LGI4: variants seen among roughly 807,000 people sequenced by gnomAD.
The protein encoded by LGI4 is leucine-rich repeat LGI family member 4.
LGI4 carries 36 observed loss-of-function variants against 48.3 expected under a neutral mutation model. The observed-to-expected ratio is 0.75, with a 90% CI of 0.57 to 0.98. The LOEUF (loss-of-function observed/expected upper bound fraction) is 0.98. Among genes scored for constraint, LGI4 ranks in the 50% least tolerant of loss-of-function variants. The pLI is 0.00. For synonymous variants in LGI4, 355 were observed against 331.6 expected (o/e 1.07, Z -0.77); for missense variants, 701 against 732.1 (o/e 0.96, Z 0.49).
intron 6 of LGI4, among the ~76,000 whole-genome samples, chr19:35,127,347 A>AT (rs1180354454): frequency 1.3e-5 from 2 of 151,856 alleles, no homozygotes; most frequent in Admixed American, 6.6e-5. Context: ...ATGGCTGGCT[A>AT]TTTTTTTATT....
chr19:35,128,212 G>A (rs1159608334), intron 6 of LGI4, among the ~76,000 whole-genome samples: 5 of 152,194 alleles, frequency 3.3e-5, no homozygotes, highest in South Asian at 2.1e-4. Context: ...TTGTGACAGC[G>A]GCTTGGCTTT....
Position 35,131,478 on chromosome 19 carries a change from C to T in LGI4, c.536G>A (p.Ser179Asn). The stretch of plus-strand genomic sequence containing the variant: ...GCCCGCACAGGCGCCGGTCCCCACG[C>T]TGGCATTCACGGTGGGCATCCACTG... ...LLQWMPTVNASVGTGACAGPA... is the reference protein window; with the variant it reads ...LLQWMPTVNANVGTGACAGPA... Residue 179 changes from serine to asparagine, a missense_variant, in exon 6 of 9, where the codon AGC (serine) becomes AAC (asparagine). Physicochemically the swap from Ser to Asn is conservative, Grantham distance 46 (BLOSUM62 1). Transcript: ENST00000310123. The T allele has an allele frequency of 6.4e-7, 1 of 1,551,350 alleles. No homozygotes were observed. The highest frequency in any genetic ancestry group is 8.7e-7 in the Non-Finnish European group (1 of 1,147,004).
In LGI4 at chr19:35,131,492, G is replaced by A; in HGVS notation, c.522C>T (p.Pro174=). Residue 174 remains proline (P), a synonymous_variant, in exon 6 of 9, where the codon CCC becomes CCT. Transcript: ENST00000310123. The stretch of plus-strand genomic sequence containing the variant: ...CGGTCCCCACGCTGGCATTCACGGT[G>A]GGCATCCACTGCAGGAGCCAGAGGA... The part of the protein sequence containing the change: ...CRVLWLLQWM[P]TVNASVGTGA... The A allele has an allele frequency of 6.4e-7, 1 of 1,551,304 alleles. No homozygotes were observed. Among genetic ancestry groups the A allele is most frequent in the Non-Finnish European group, 8.7e-7 (1 of 1,146,960 alleles).
At chr19:35,131,285 A>C (rs1321892005) in intron 6 of LGI4, 101 bp downstream of exon 6, 7 of 1,435,904 alleles carry the variant, frequency 4.9e-6, no homozygotes, top group Non-Finnish European at 5.7e-6. Context: ...GGGTCTTCCC[A>C]CTCCGGGAAA....
chr19:35,125,813 C>T (rs2065130391), intron 8 of LGI4: 10 of 618,572 alleles, frequency 1.6e-5, no homozygotes, highest in Middle Eastern at 2.5e-4. Flanking sequence ...AGCCTCTTCC[C>T]TGGCCTCTAG....
chr19:35,125,453 C>T lies in LGI4; in HGVS notation c.1354G>A (p.Gly452Ser), dbSNP rs755198882. 7 of 1,598,248 alleles carry T rather than the reference C, an allele frequency of 4.4e-6. No individual in the cohort carries two copies. In the South Asian group the frequency reaches 6.7e-5, roughly 15 times the overall value. Residue 452 changes from glycine to serine, a missense_variant, in exon 9 of 9, where the codon GGT becomes AGT. By Grantham distance (56) the Gly-to-Ser change is moderately conservative. Around this residue, in one of 3 missense-constraint regions of LGI4, gnomAD observed 223 missense variants for 263.3 expected, o/e 0.85. Transcript: ENST00000310123. ...AGCAGTGGCTGGAAGACGTGGGCAC[C>T]GCGCGAGGGAAGTTGCTGCAGCAGA... ...FRLLQQLPSRGAHVFQPLLIA... is the reference protein window; with the variant it reads ...FRLLQQLPSRSAHVFQPLLIA...
At position 35,131,956 on chromosome 19, in the gene LGI4, G is replaced by C; in HGVS notation, c.386+15C>G. On this transcript the variant is annotated intron_variant, in intron 4 of 8. Transcript: ENST00000310123. ...GGTGCCTCTCATGGAGGGCTGGGGC[G>C]GTGGAGGCACGCACAGGTGTGTAAG... 2 of 1,584,140 alleles carry C rather than the reference G, an allele frequency of 1.3e-6. No homozygotes were observed. Among genetic ancestry groups the C allele is most frequent in the Non-Finnish European group, 1.7e-6 (2 of 1,164,644 alleles).
chr19:35,127,100 A>ATGGCCTCCATTTCAG, intron 6 of LGI4, 83 bp from the exon 7 acceptor site: 1 of 1,370,296 alleles, frequency 7.3e-7, no homozygotes, highest in Non-Finnish European at 9.8e-7. Flanking sequence ...ACATCTCTGA[A>ATGGCCTCCATTTCAG]ATGGAGGCCA....
chr19:35,132,553 A>T (rs1317167946), intron 3 of LGI4, among the ~76,000 whole-genome samples: 1 of 151,988 alleles, frequency 6.6e-6, no homozygotes, highest in Non-Finnish European at 1.5e-5. Context: ...ACCATCATCA[A>T]CCCCAAGACC....
chr19:35,132,114 C>T, intron 3 of LGI4, 72 bp from the exon 4 acceptor site: 1 of 1,267,254 alleles, frequency 7.9e-7, no homozygotes, highest in Non-Finnish European at 1.1e-6. Context: ...AAGACATAGG[C>T]CCACTGGAAG....
chr19:35,128,670 C>T (rs1364830022), intron 6 of LGI4, among the ~76,000 whole-genome samples: 1 of 152,194 alleles, frequency 6.6e-6, no homozygotes, highest in Non-Finnish European at 1.5e-5. Flanking sequence ...CGTGATTGTA[C>T]CACTGAACTC....
At chr19:35,128,012 G>A (rs1056662238) in intron 6 of LGI4, among the ~76,000 whole-genome samples, 3 of 152,226 alleles carry the variant, frequency 2.0e-5, no homozygotes, top group African/African-American at 7.2e-5. Flanking sequence ...AACAAGGGCA[G>A]ATGTGATGAG....
chr19:35,126,797 G>C (rs1192401143), intron 7 of LGI4, 22 bp from the exon 8 acceptor site: 1 of 1,577,908 alleles, frequency 6.3e-7, no homozygotes, highest in Admixed American at 1.8e-5. Context: ...TGGGGAGGCA[G>C]GTCAGGCCAG....
In LGI4 at chr19:35,125,394, G is replaced by A. The variant is rs568391550; in HGVS notation, c.1413C>T (p.Ser471=). ...IARDQLAILG[S]DFAFSQVLRL... ...GGAGGACCTGGCTGAAGGCGAAGTC[G>A]CTGCCTAGGATGGCCAGCTGGTCCC... The change falls in exon 9 of 9, where the codon AGC becomes AGT. Residue 471 remains serine (S), a synonymous_variant. Transcript: ENST00000310123. 70 of 1,612,106 alleles carry A rather than the reference G, an allele frequency of 4.3e-5. No individual in the cohort carries two copies. In the East Asian group the frequency reaches 8.7e-4, roughly 20 times the overall value.
rs756230674 is a variant in LGI4, at chr19:35,134,048, G to A, written c.227C>T (p.Pro76Leu). ...CCCCACTCACAGCAGGTGCAGAGAC[G>A]GAATTCTCAGGAAGCTGCCGGCCTT... ...QLKAGSFLRI[P>L]SLHLLLFTSN... Residue 76 changes from proline to leucine, a missense_variant, in exon 2 of 9, where the codon CCG (proline) becomes CTG (leucine). Transcript: ENST00000310123. The A allele has an allele frequency of 1.2e-5, 19 of 1,562,816 alleles. No individual in the cohort carries two copies. The highest frequency in any genetic ancestry group is 2.7e-5 in the African/African-American group (2 of 73,710).
At position 35,131,563 on chromosome 19, in the gene LGI4, A is replaced by G; in HGVS notation, c.459-8T>C. On this transcript the variant is annotated splice_region_variant and splice_polypyrimidine_tract_variant and intron_variant, in intron 5 of 8. Transcript: ENST00000310123. ...GGGTTCCCGCGGAGGTCCCTGGGGCAAGAGGCCAGGGAGGGGCTGCGACCC... is the reference window on the plus strand; with the variant it reads ...GGGTTCCCGCGGAGGTCCCTGGGGCGAGAGGCCAGGGAGGGGCTGCGACCC... 1.3e-6 allele frequency: 2 copies of G among 1,549,354 alleles called. No homozygotes were observed. Among genetic ancestry groups the G allele is most frequent in the South Asian group, 1.2e-5 (1 of 83,880 alleles).
At chr19:35,134,382 G>C (rs1346157637) in intron 1 of LGI4, 129 bp downstream of exon 1, 1 of 981,074 alleles carries the variant, frequency 1.0e-6, no homozygotes, top group South Asian at 1.6e-5. Context: ...ATCCCGACAG[G>C]CTTTGCTGCC....
rs376948182 is a variant in LGI4, at chr19:35,126,774, C to T, written c.795G>A (p.Ala265=). 301 of 1,553,862 alleles carry T rather than the reference C, an allele frequency of 1.9e-4. 1 individual carries two copies. In the African/African-American group the frequency reaches 3.3e-3, roughly 17 times the overall value. ...QRFRPEEELP[A]ASVVSCKPLV... ...GTGGCTTGCAGGACACCACGGAGGC[C>T]GCTGTGGGGAGGTGGGGAGGCAGGT... The change falls in exon 8 of 9, where the codon GCG becomes GCA. Residue 265 remains alanine, a splice_region_variant and synonymous_variant. Transcript: ENST00000310123.
In LGI4 at chr19:35,134,495, A is replaced by C; in HGVS notation, c.170+16T>G. On this transcript the variant is annotated intron_variant, in intron 1 of 8. Transcript: ENST00000310123. ...TCCGTCCCCACCTTCGGGCATGCAG[A>C]AGGCTGGACACTCACAGTGACAGCA... 1 of 1,570,636 alleles carries C rather than the reference A, an allele frequency of 6.4e-7. No individual in the cohort carries two copies. Among genetic ancestry groups the C allele is most frequent in the Non-Finnish European group, 8.6e-7 (1 of 1,157,540 alleles).
Sources: gnomAD v4.1 joint callset for allele counts (sites outside exome capture counted in the v4.1 genomes callset) on GRCh38, gnomAD v4.1.1 for gene constraint, gnomAD v4.1.1 regional missense constraint, MANE v1.5 for transcripts, NCBI Gene and HGNC (gene_info 2026-07-23, HGNC 2026-07-21) for gene names.